PAK5: variants seen among roughly 807,000 people sequenced by gnomAD.
PAK5 encodes p21 (RAC1) activated kinase 5, also known as serine/threonine-protein kinase PAK 5.
PAK5 carries 16 observed loss-of-function variants against 65.9 expected under a neutral mutation model. That is an observed-to-expected ratio of 0.24 (90% CI 0.16 to 0.37). The LOEUF (loss-of-function observed/expected upper bound fraction) is 0.37. PAK5 is among the 10% of genes least tolerant of loss of function. PAK5 has a pLI of 1.00. For missense variants in PAK5, 785 were observed against 903.9 expected (o/e 0.87, Z 1.69); for synonymous variants, 371 against 354.9 (o/e 1.05, Z -0.51).
chr20:9,735,108 A>G (rs886806153), intron 1 of PAK5, among the ~76,000 whole-genome samples: 2 of 152,166 alleles, frequency 1.3e-5, no homozygotes, highest in Non-Finnish European at 2.9e-5. Flanking sequence ...ATTTTTTCAT[A>G]TTAAAAAAAT....
intron 9 of PAK5, among the ~76,000 whole-genome samples, chr20:9,541,336 A>C (rs1399411152): frequency 6.6e-6 from 1 of 152,160 alleles, no homozygotes; most frequent in Non-Finnish European, 1.5e-5. Flanking sequence ...GGCAGCTCCT[A>C]CAGTGGTGAT....
intron 3 of PAK5, among the ~76,000 whole-genome samples, chr20:9,632,268 G>T (rs1374251187): frequency 6.6e-6 from 1 of 152,104 alleles, no homozygotes; most frequent in African/African-American, 2.4e-5. Flanking sequence ...CACTCTATGG[G>T]AAACCAACAC....
intron 2 of PAK5, among the ~76,000 whole-genome samples, chr20:9,673,148 ATAAC>A (rs1342741902): frequency 6.6e-6 from 1 of 152,144 alleles, no homozygotes. Flanking sequence ...TACACTTAAA[ATAAC>A]TACAAAATAC....
chr20:9,635,969 G>T (rs1466545859), intron 3 of PAK5, among the ~76,000 whole-genome samples: 1 of 152,134 alleles, frequency 6.6e-6, no homozygotes, highest in Non-Finnish European at 1.5e-5. Context: ...AGTTTAAACT[G>T]CTTGGCAACA....
chr20:9,797,453 A>T (rs2049117266), intron 1 of PAK5, among the ~76,000 whole-genome samples: 1 of 140,730 alleles, frequency 7.1e-6, no homozygotes, highest in Non-Finnish European at 1.5e-5. Flanking sequence ...CAATGAGGAC[A>T]CTTGGACACA....
intron 1 of PAK5, among the ~76,000 whole-genome samples, chr20:9,811,421 G>A (rs879375485): frequency 5.9e-5 from 9 of 152,270 alleles, no homozygotes; most frequent in Admixed American, 5.9e-4. Flanking sequence ...GTTTGTTTTG[G>A]TTTTTACTAA....
intron 1 of PAK5, among the ~76,000 whole-genome samples, chr20:9,801,310 T>C (rs767034490): frequency 1.3e-5 from 2 of 152,038 alleles, no homozygotes; most frequent in Non-Finnish European, 2.9e-5. Context: ...GCTAATTCCT[T>C]CAATGTCAAA....
At chr20:9,758,861 T>C (rs1461830862) in intron 1 of PAK5, among the ~76,000 whole-genome samples, 1 of 152,144 alleles carries the variant, frequency 6.6e-6, no homozygotes, top group Non-Finnish European at 1.5e-5. Context: ...CTACTTTGTC[T>C]TCTGCCTGGA....
At chr20:9,656,873 C>T (rs1387022027) in intron 2 of PAK5, among the ~76,000 whole-genome samples, 1 of 152,148 alleles carries the variant, frequency 6.6e-6, no homozygotes, top group Non-Finnish European at 1.5e-5. Context: ...TCTCTCCATA[C>T]TATCTTCACA....
intron 2 of PAK5, among the ~76,000 whole-genome samples, chr20:9,702,119 T>A (rs1015445348): frequency 2.0e-5 from 3 of 151,958 alleles, no homozygotes; most frequent in South Asian, 2.1e-4. Flanking sequence ...ACCAGAGAAA[T>A]GATTTAGGAA....
intron 1 of PAK5, among the ~76,000 whole-genome samples, chr20:9,790,993 C>T (rs1326735366): frequency 6.6e-6 from 1 of 152,104 alleles, no homozygotes; most frequent in East Asian, 1.9e-4. Flanking sequence ...CATGACCTTC[C>T]TTCTCCTGTT....
In PAK5 at chr20:9,576,908, T is replaced by C. The variant is rs576284400; in HGVS notation, c.990+3237A>G. Among the ~76,000 whole-genome samples the C allele has an allele frequency of 5.3e-5, 8 of 152,336 alleles. No homozygotes were observed. In the South Asian group the frequency reaches 1.4e-3, roughly 28 times the overall value. ...CAAATGCTTAATGAACTGGTGGGAT[T>C]GTTATGCTGGGGGCTTCTCAGTAGG... On this transcript the variant is annotated intron_variant, in intron 4 of 9. Transcript: ENST00000353224.
At chr20:9,762,085 T>C (rs950958246) in intron 1 of PAK5, among the ~76,000 whole-genome samples, 7 of 152,062 alleles carry the variant, frequency 4.6e-5, no homozygotes, top group African/African-American at 1.7e-4. Context: ...AATTGGGCCC[T>C]TCTCTTACAC....
intron 4 of PAK5, 141 bp from the exon 5 acceptor site, chr20:9,566,525 A>G (rs2045684840): frequency 1.3e-6 from 1 of 758,860 alleles, no homozygotes; most frequent in South Asian, 1.7e-5. Flanking sequence ...CACCAACAGG[A>G]CCGGCCACAC....
intron 2 of PAK5, among the ~76,000 whole-genome samples, chr20:9,698,740 T>C (rs1333664761): frequency 1.3e-5 from 2 of 152,162 alleles, no homozygotes; most frequent in African/African-American, 4.8e-5. Flanking sequence ...CTGCTGTCTA[T>C]AAGTGATGTA....
intron 1 of PAK5, among the ~76,000 whole-genome samples, chr20:9,726,719 G>A (rs2048281592): frequency 6.6e-6 from 1 of 152,090 alleles, no homozygotes; most frequent in South Asian, 2.1e-4. Context: ...AATGCACGCA[G>A]GGCTTAAAAC....
intron 1 of PAK5, among the ~76,000 whole-genome samples, chr20:9,828,059 C>T (rs13038838): frequency 0.16 from 23,735 of 152,088 alleles, 2,288 homozygotes; most frequent in Admixed American, 0.26. Context: ...TGGTCTCGAA[C>T]TCTTGACCCA....
intron 1 of PAK5, among the ~76,000 whole-genome samples, chr20:9,718,226 A>G (rs2048172808): frequency 6.6e-6 from 1 of 152,032 alleles, no homozygotes; most frequent in Non-Finnish European, 1.5e-5. Flanking sequence ...GGTATATAAA[A>G]CGGAAGGAAG....
chr20:9,650,494 A>T (rs188729065), intron 2 of PAK5, among the ~76,000 whole-genome samples: 3 of 152,224 alleles, frequency 2.0e-5, no homozygotes, highest in African/African-American at 7.2e-5. Flanking sequence ...TTTCTTGCTA[A>T]ACTTATTTCT....
Sources: gnomAD v4.1 joint callset for allele counts (sites outside exome capture counted in the v4.1 genomes callset) on GRCh38, gnomAD v4.1.1 for gene constraint, MANE v1.5 for transcripts, NCBI Gene and HGNC (gene_info 2026-07-23, HGNC 2026-07-21) for gene names.